RELB: variants seen among roughly 807,000 people sequenced by gnomAD.
The protein encoded by RELB is transcription factor RelB.
In RELB, 14 loss-of-function variants were observed where a neutral mutation model predicts 55.4. That is an observed-to-expected ratio of 0.25 (90% CI 0.17 to 0.40). RELB has a LOEUF of 0.40. Ranked by LOEUF, RELB falls within the 10% of genes least tolerant of loss-of-function variation. The pLI, the probability that RELB is intolerant of heterozygous loss-of-function variation, is 1.00. For synonymous variants in RELB, 409 were observed against 371.3 expected (o/e 1.10, Z -1.17); for missense variants, 669 against 830.7 (o/e 0.81, Z 2.39).
At position 45,022,184 on chromosome 19, in the gene RELB, C is replaced by T; in HGVS notation, c.636C>T (p.Leu212=). Residue 212 remains leucine, a synonymous_variant, in exon 5 of 12, where the codon CTC becomes CTT. Coordinates refer to ENST00000221452, the MANE Select transcript of RELB (RefSeq NM_006509.4). ...CCGACGGCATCTGCAGGGTGCGGCT[C>T]CGGCCTCACGTCAGCCCCCGGCACA... ...DCTDGICRVR[L]RPHVSPRHSF... The T allele has an allele frequency of 6.2e-7, 1 of 1,608,114 alleles. No individual in the cohort carries two copies. The highest frequency in any genetic ancestry group is 8.5e-7 in the Non-Finnish European group (1 of 1,178,680).
intron 4 of RELB, among the ~76,000 whole-genome samples, chr19:45,019,432 C>T (rs1035729712): frequency 2.0e-5 from 3 of 152,132 alleles, no homozygotes; most frequent in East Asian, 3.8e-4. Flanking sequence ...ACCCCTAATT[C>T]CTTCAGGATG....
At chr19:45,027,114 T>C (rs996753755) in intron 7 of RELB, among the ~76,000 whole-genome samples, 4 of 151,204 alleles carry the variant, frequency 2.6e-5, no homozygotes, top group African/African-American at 9.7e-5. Flanking sequence ...GCGCCTGTAG[T>C]CCCAGCTACT....
chr19:45,023,913 G>A (rs1399152514), intron 5 of RELB, among the ~76,000 whole-genome samples: 2 of 149,498 alleles, frequency 1.3e-5, no homozygotes, highest in African/African-American at 2.5e-5. Context: ...ACCACACCTG[G>A]CTAATTTTTG....
At chr19:45,023,736 G>A (rs1270921370) in intron 5 of RELB, among the ~76,000 whole-genome samples, 1 of 95,566 alleles carries the variant, frequency 1.0e-5, no homozygotes, top group Non-Finnish European at 2.0e-5. Context: ...ACTGTGCCCA[G>A]CCTCTTTTTT....
At chr19:45,013,046 C>T (rs2068215142) in intron 4 of RELB, among the ~76,000 whole-genome samples, 1 of 151,344 alleles carries the variant, frequency 6.6e-6, no homozygotes, top group African/African-American at 2.4e-5. Context: ...CAATACCCTG[C>T]CTCCATTAAA....
chr19:45,023,740 CTTTTTTT>C (rs1168078618), intron 5 of RELB, among the ~76,000 whole-genome samples: 5 of 38,362 alleles, frequency 1.3e-4, no homozygotes, highest in Non-Finnish European at 1.4e-4. Context: ...TGCCCAGCCT[CTTTTTTT>C]TTTTTTTTTT....
chr19:45,015,671 G>A (rs1971412497), intron 4 of RELB, among the ~76,000 whole-genome samples: 1 of 151,580 alleles, frequency 6.6e-6, no homozygotes. Flanking sequence ...GGAAGTGGAG[G>A]CTGCAGTGAG....
chr19:45,007,559 T>C (rs1971296919), intron 2 of RELB, among the ~76,000 whole-genome samples: 1 of 152,062 alleles, frequency 6.6e-6, no homozygotes, highest in South Asian at 2.1e-4. Context: ...CACTCCATGC[T>C]CTAAAATCAT....
At chr19:45,031,068 C>T (rs1971615140) in intron 8 of RELB, among the ~76,000 whole-genome samples, 1 of 152,064 alleles carries the variant, frequency 6.6e-6, no homozygotes, top group South Asian at 2.1e-4. Flanking sequence ...TATAAAGTCT[C>T]AGTACATGGA....
At chr19:45,011,906 C>A in intron 3 of RELB, 30 bp from the exon 4 acceptor site, 4 of 1,283,782 alleles carry the variant, frequency 3.1e-6, no homozygotes, top group Non-Finnish European at 4.1e-6. Context: ...AAAGAATGGG[C>A]GTCACCACCC....
At chr19:45,020,337 C>T (rs180986459) in intron 4 of RELB, among the ~76,000 whole-genome samples, 6 of 151,634 alleles carry the variant, frequency 4.0e-5, no homozygotes, top group Non-Finnish European at 8.8e-5. Flanking sequence ...GATCCTCCCA[C>T]CTCAGCTTCC....
In RELB at chr19:45,022,194, G is replaced by A. The variant is rs147765259; in HGVS notation, c.646G>A (p.Val216Ile). 7.4e-5 allele frequency: 118 copies of A among 1,603,452 alleles called. No homozygotes were observed. The Middle Eastern group carries it at 8.3e-4, about 11-fold the overall frequency. The stretch of plus-strand genomic sequence containing the variant: ...CTGCAGGGTGCGGCTCCGGCCTCAC[G>A]TCAGCCCCCGGCACAGGTACCCACC... ...GICRVRLRPH[V>I]SPRHSFNNLG... The change falls in exon 5 of 12, where the codon GTC becomes ATC. Residue 216 changes from valine to isoleucine, a missense_variant. By Grantham distance (29) the Val-to-Ile change is conservative (BLOSUM62 3). Around this residue, in one of 3 missense-constraint regions of RELB, gnomAD observed 323 missense variants for 368.5 expected, o/e 0.88. Coordinates refer to ENST00000221452, the MANE Select transcript of RELB (RefSeq NM_006509.4).
At chr19:45,017,689 T>G (rs1189605170) in intron 4 of RELB, among the ~76,000 whole-genome samples, 1 of 150,148 alleles carries the variant, frequency 6.7e-6, no homozygotes, top group African/African-American at 2.4e-5. Flanking sequence ...GAGACAGAGT[T>G]TTGCTCTTGT....
chr19:45,034,322 C>T lies in RELB; in HGVS notation c.1276+10C>T. ...GAGCTGAACAGCTCTGGTGTGTGCCCTCTGCCCCTTTCCACCCCCATCCCC... is the reference window on the plus strand; with the variant it reads ...GAGCTGAACAGCTCTGGTGTGTGCCTTCTGCCCCTTTCCACCCCCATCCCC... On this transcript the variant is annotated intron_variant, in intron 10 of 11. Transcript: ENST00000221452. The T allele has an allele frequency of 6.2e-7, 1 of 1,613,412 alleles. No homozygotes were observed. Among genetic ancestry groups the T allele is most frequent in the Non-Finnish European group, 8.5e-7 (1 of 1,179,362 alleles).
intron 5 of RELB, among the ~76,000 whole-genome samples, chr19:45,024,155 T>TTTTA (rs928878341): frequency 3.6e-4 from 55 of 151,222 alleles, no homozygotes; most frequent in Non-Finnish European, 5.9e-4. Flanking sequence ...AGTTTTCTTA[T>TTTTA]TTTATTTATT....
rs1364213244 is a variant in RELB at position 45,037,934 on chromosome 19, C to T, written c.*144C>T. The T allele has an allele frequency of 5.7e-5, 45 of 791,980 alleles. No individual in the cohort carries two copies. The highest frequency in any genetic ancestry group is 7.5e-5 in the Non-Finnish European group (42 of 558,428). 49.1% of individuals were successfully genotyped at this position (791,980 alleles called of 1,614,324 possible). On this transcript the variant is annotated 3_prime_UTR_variant, in exon 12 of 12. Coordinates refer to ENST00000221452, the MANE Select transcript of RELB (RefSeq NM_006509.4). Reference sequence around the variant, plus strand: ...CATATTCAGCCTTGGCGAGAAGCTCCGTTGCACGGGTTTCCCCTTGAGCCC... The same window carrying T: ...CATATTCAGCCTTGGCGAGAAGCTCTGTTGCACGGGTTTCCCCTTGAGCCC...
At chr19:45,032,354 G>C (rs1331197493) in intron 8 of RELB, 180 bp from the exon 9 acceptor site, 1 of 559,294 alleles carries the variant, frequency 1.8e-6, no homozygotes, top group Non-Finnish European at 3.2e-6. Flanking sequence ...GGGAGGCAGA[G>C]GTTGCAGTGA....
At chr19:45,020,414 G>A (rs1971469664) in intron 4 of RELB, among the ~76,000 whole-genome samples, 6 of 151,084 alleles carry the variant, frequency 4.0e-5, no homozygotes, top group Admixed American at 4.0e-4. Context: ...TATAGAGACG[G>A]GGTTGCCCAG....
chr19:45,033,368 G>A (rs1212675617), intron 9 of RELB, among the ~76,000 whole-genome samples: 1 of 152,066 alleles, frequency 6.6e-6, no homozygotes, highest in Non-Finnish European at 1.5e-5. Context: ...ATTGTGCCTG[G>A]GGTGCTCCAG....
Sources: gnomAD v4.1 joint callset for allele counts (sites outside exome capture counted in the v4.1 genomes callset) on GRCh38, gnomAD v4.1.1 for gene constraint, gnomAD v4.1.1 regional missense constraint, MANE v1.5 for transcripts, NCBI Gene and HGNC (gene_info 2026-07-23, HGNC 2026-07-21) for gene names.